NFAT5: variants seen among roughly 807,000 people sequenced by gnomAD.
The protein encoded by NFAT5 is nuclear factor of activated T-cells 5.
A neutral mutation model predicts 166.5 loss-of-function variants in NFAT5; 31 were observed. The ratio of observed to expected loss-of-function variants is 0.19; its 90% CI spans 0.14 to 0.25. The LOEUF (loss-of-function observed/expected upper bound fraction) is 0.25, where lower values mean the gene tolerates loss of function less well. NFAT5 is among the 10% of genes least tolerant of loss of function. The pLI, the probability that NFAT5 is intolerant of heterozygous loss-of-function variation, is 1.00. For missense variants in NFAT5, 1,449 were observed against 1,821.8 expected (o/e 0.80, Z 3.72); for synonymous variants, 612 against 639.7 (o/e 0.96, Z 0.65).
At chr16:69,602,481 T>G (rs2033181383) in intron 2 of NFAT5, among the ~76,000 whole-genome samples, 1 of 152,074 alleles carries the variant, frequency 6.6e-6, no homozygotes, top group African/African-American at 2.4e-5. Context: ...TTGCTCAGGC[T>G]GGTCTTGAAC....
Position 69,692,856 on chromosome 16 carries a change from A to G in NFAT5, c.3031A>G (p.Thr1011Ala), listed in dbSNP as rs766519645. The change falls in exon 13 of 15, where the codon ACT (threonine) becomes GCT (alanine). Residue 1011 changes from threonine (T) to alanine (A), a missense_variant. This residue lies in a region of NFAT5 where 891 missense variants were observed against 993.0 expected (regional missense o/e 0.90). Transcript: ENST00000349945. ...QTSSSGDGEE[T>A]GTQAKQIQNS... ...ATCAAGTTCAGGAGATGGAGAAGAAACTGGAACACAAGCAAAACAGATTCA... is the reference window on the plus strand; with the variant it reads ...ATCAAGTTCAGGAGATGGAGAAGAAGCTGGAACACAAGCAAAACAGATTCA... The G allele has an allele frequency of 6.2e-6, 10 of 1,614,114 alleles. No homozygotes were observed. The highest frequency in any genetic ancestry group is 1.3e-5 in the African/African-American group (1 of 74,946).
intron 2 of NFAT5, among the ~76,000 whole-genome samples, chr16:69,616,230 A>G (rs936331794): frequency 1.3e-5 from 2 of 151,086 alleles, no homozygotes; most frequent in Admixed American, 6.6e-5. Flanking sequence ...TGCCCTCCTC[A>G]CCCTGCTTGG....
At chr16:69,643,276 C>G (rs1393266040) in intron 3 of NFAT5, among the ~76,000 whole-genome samples, 4 of 149,842 alleles carry the variant, frequency 2.7e-5, no homozygotes, top group African/African-American at 9.8e-5. Flanking sequence ...CACTTTGGTT[C>G]TATAGAATAT....
intron 14 of NFAT5, chr16:69,695,640 G>T (rs1241281416): frequency 3.5e-6 from 1 of 284,724 alleles, no homozygotes; most frequent in Non-Finnish European, 6.6e-6. Context: ...TCAGGCGATC[G>T]AGACCATCCT....
chr16:69,567,550 G>A (rs889092859), intron 1 of NFAT5, among the ~76,000 whole-genome samples: 2 of 152,128 alleles, frequency 1.3e-5, no homozygotes, highest in African/African-American at 4.8e-5. Flanking sequence ...CCAAAAAAGG[G>A]ACTTCACCTT....
At chr16:69,661,389 A>T (rs1471463439) in intron 7 of NFAT5, among the ~76,000 whole-genome samples, 1 of 150,792 alleles carries the variant, frequency 6.6e-6, no homozygotes, top group African/African-American at 2.4e-5. Flanking sequence ...TTAAAAAAAA[A>T]AAAAAAAGCC....
At chr16:69,571,710 G>T (rs10852456) in intron 2 of NFAT5, among the ~76,000 whole-genome samples, 80,384 of 150,448 alleles carry the variant, frequency 0.53, 22,504 homozygotes, top group East Asian at 0.79. Flanking sequence ...TTTTTTTTTG[G>T]GGGGAAACAA....
chr16:69,633,804 AG>A (rs2034827017), intron 3 of NFAT5, among the ~76,000 whole-genome samples: 1 of 152,166 alleles, frequency 6.6e-6, no homozygotes, highest in African/African-American at 2.4e-5. Flanking sequence ...AATACTATAT[AG>A]TTTCAAATAG....
At chr16:69,597,446 G>A (rs1597375688) in intron 2 of NFAT5, among the ~76,000 whole-genome samples, 1 of 152,238 alleles carries the variant, frequency 6.6e-6, no homozygotes, top group East Asian at 1.9e-4. Context: ...TAGGTTAACA[G>A]TGCACTGTTC....
intron 10 of NFAT5, among the ~76,000 whole-genome samples, chr16:69,677,821 C>T (rs1397329249): frequency 6.6e-6 from 1 of 151,978 alleles, no homozygotes; most frequent in African/African-American, 2.4e-5. Context: ...CCCCATAATA[C>T]CTGATAAATA....
intron 2 of NFAT5, among the ~76,000 whole-genome samples, chr16:69,576,790 A>G (rs2016783842): frequency 6.6e-6 from 1 of 152,212 alleles, no homozygotes; most frequent in South Asian, 2.1e-4. Context: ...ACATGAGCCC[A>G]GGAGGTCAAG....
At chr16:69,654,846 G>A (rs147254395) in intron 5 of NFAT5, among the ~76,000 whole-genome samples, 1,625 of 152,138 alleles carry the variant, frequency 0.011, 13 homozygotes, top group Non-Finnish European at 0.014. Flanking sequence ...TACTTTGTTT[G>A]GCATGCATTG....
Position 69,693,171 on chromosome 16 carries a change from C to T in NFAT5, c.3346C>T (p.Pro1116Ser), listed in dbSNP as rs1346250715. 18 of 1,613,992 alleles carry T rather than the reference C, an allele frequency of 1.1e-5. No individual in the cohort carries two copies. The highest frequency in any genetic ancestry group is 6.7e-5 in the East Asian group (3 of 44,890). Residue 1116 changes from proline to serine, a missense_variant, in exon 13 of 15, where the codon CCT becomes TCT. By Grantham distance (74) the Pro-to-Ser change is moderately conservative. Coordinates refer to ENST00000349945, the MANE Select transcript of NFAT5 (RefSeq NM_138713.4). Reference protein sequence around the residue: ...TQGSLFHSPNPIVHSQTSTTS... With the variant: ...TQGSLFHSPNSIVHSQTSTTS... ...AGGTTCTCTCTTTCATAGTCCAAAT[C>T]CTATTGTCCACAGTCAGACTTCTAC... is the stretch of plus-strand genomic sequence containing the variant.
intron 2 of NFAT5, among the ~76,000 whole-genome samples, chr16:69,626,192 A>G (rs1474746196): frequency 6.6e-6 from 1 of 151,722 alleles, no homozygotes; most frequent in Non-Finnish European, 1.5e-5. Flanking sequence ...GCCTCAAGCA[A>G]TCCTCTCACC....
chr16:69,650,821 G>T (rs1322823772), intron 4 of NFAT5, among the ~76,000 whole-genome samples: 3 of 151,818 alleles, frequency 2.0e-5, no homozygotes, highest in Admixed American at 1.3e-4. Context: ...GTATATTTGG[G>T]GGATATTTCT....
intron 7 of NFAT5, among the ~76,000 whole-genome samples, chr16:69,669,373 C>A (rs946179631): frequency 6.6e-6 from 1 of 151,980 alleles, no homozygotes; most frequent in Non-Finnish European, 1.5e-5. Context: ...GGTGAAACCC[C>A]GTCTCTACTA....
rs1019564955 is a variant in NFAT5, at chr16:69,613,515, C to G, written c.128-12888C>G. ...CATCTCATGTTACTGCTTGTAACTTCCGTGTTCTGAGTAACTGAGTTACCT... is the reference window on the plus strand; with the variant it reads ...CATCTCATGTTACTGCTTGTAACTTGCGTGTTCTGAGTAACTGAGTTACCT... On this transcript the variant is annotated intron_variant, in intron 2 of 14. Coordinates refer to ENST00000349945, the MANE Select transcript of NFAT5 (RefSeq NM_138713.4). Among the ~76,000 whole-genome samples the G allele has an allele frequency of 3.3e-5, 5 of 152,158 alleles. 1 individual carries two copies. Among genetic ancestry groups the G allele is most frequent in the African/African-American group, 1.2e-4 (5 of 41,426 alleles).
At chr16:69,588,977 C>CTTTTTT (rs1409931325) in intron 2 of NFAT5, among the ~76,000 whole-genome samples, 4 of 78,592 alleles carry the variant, frequency 5.1e-5, no homozygotes, top group African/African-American at 1.7e-4. Context: ...TCTTTTCCTA[C>CTTTTTT]TTCTTTTTTT....
At chr16:69,683,677 G>A (rs111263510) in intron 10 of NFAT5, among the ~76,000 whole-genome samples, 12 of 152,204 alleles carry the variant, frequency 7.9e-5, no homozygotes, top group African/African-American at 2.6e-4. Context: ...ATTTGTTACA[G>A]TAGGCTGGGC....
Sources: gnomAD v4.1 joint callset for allele counts (sites outside exome capture counted in the v4.1 genomes callset) on GRCh38, gnomAD v4.1.1 for gene constraint, gnomAD v4.1.1 regional missense constraint, MANE v1.5 for transcripts, NCBI Gene and HGNC (gene_info 2026-07-23, HGNC 2026-07-21) for gene names.